Variants in PARPBP observed in about 807,000 individuals in gnomAD.
PARPBP encodes PCNA-interacting partner.
PARPBP carries 52 observed loss-of-function variants against 50.0 expected under a neutral mutation model. The observed-to-expected ratio is 1.04, with a 90% CI of 0.83 to 1.31. PARPBP has a LOEUF of 1.31. Ranked by LOEUF, PARPBP falls within the 50% of genes most tolerant of loss-of-function variation. The pLI is 0.00. For missense variants in PARPBP, 697 were observed against 672.0 expected (o/e 1.04, Z -0.41); for synonymous variants, 244 against 232.1 (o/e 1.05, Z -0.47).
intron 2 of PARPBP, among the ~76,000 whole-genome samples, chr12:102,138,304 T>C (rs1258481689): frequency 6.6e-6 from 1 of 152,240 alleles, no homozygotes; most frequent in Non-Finnish European, 1.5e-5. Flanking sequence ...AAATATCTTC[T>C]TTTGAGAAGT....
At chr12:102,186,489 T>C (rs928982899) in intron 9 of PARPBP, among the ~76,000 whole-genome samples, 2 of 152,150 alleles carry the variant, frequency 1.3e-5, no homozygotes, top group African/African-American at 4.8e-5. Flanking sequence ...CTGTTTTTGC[T>C]GTATCTCATA....
rs554733915 is a variant in PARPBP, at chr12:102,157,132, ACTTGTATGTCTCTTGTAATACT to A, written c.495+3185_495+3206del. On this transcript the variant is annotated intron_variant, in intron 4 of 10. Transcript: ENST00000327680. The stretch of plus-strand genomic sequence containing the variant: ...ATATATTTTATCAGTGCCCTCAAAT[ACTTGTATGTCTCTTGTAATACT>A]CTTGTATGTCTCTTGTAATACTCTT... Among the ~76,000 whole-genome samples, 708 of 152,226 alleles carry A rather than the reference ACTTGTATGTCTCTTGTAATACT, an allele frequency of 4.7e-3. 1 individual carries two copies. Among genetic ancestry groups the A allele is most frequent in the African/African-American group, 0.015 (606 of 41,514 alleles).
chr12:102,188,322 A>G (rs542786735), intron 9 of PARPBP, among the ~76,000 whole-genome samples: 2 of 152,026 alleles, frequency 1.3e-5, no homozygotes, highest in African/African-American at 2.4e-5. Flanking sequence ...GGGAGATCAC[A>G]GAACATAGTG....
At chr12:102,181,923 G>A (rs1889857910) in intron 8 of PARPBP, among the ~76,000 whole-genome samples, 1 of 151,994 alleles carries the variant, frequency 6.6e-6, no homozygotes, top group Non-Finnish European at 1.5e-5. Context: ...AAGACTGAAG[G>A]GCAAAAAGTG....
intron 6 of PARPBP, among the ~76,000 whole-genome samples, chr12:102,172,934 A>G (rs139258983): frequency 1.3e-4 from 20 of 152,356 alleles, no homozygotes; most frequent in African/African-American, 4.1e-4. Context: ...AAGTCCACAT[A>G]TATGTGAAAG....
At chr12:102,184,938 A>G (rs562337436) in intron 9 of PARPBP, among the ~76,000 whole-genome samples, 30 of 144,382 alleles carry the variant, frequency 2.1e-4, no homozygotes, top group African/African-American at 7.4e-4. Flanking sequence ...GAAATAATAT[A>G]TGATCTACAC....
At chr12:102,131,801 A>G (rs1882892605) in intron 2 of PARPBP, among the ~76,000 whole-genome samples, 2 of 152,236 alleles carry the variant, frequency 1.3e-5, no homozygotes, top group South Asian at 2.1e-4. Context: ...AAATGGACAC[A>G]TAGAGGGAAA....
chr12:102,153,036 C>T (rs892483263), intron 3 of PARPBP, among the ~76,000 whole-genome samples: 10 of 151,580 alleles, frequency 6.6e-5, no homozygotes, highest in South Asian at 6.3e-4. Flanking sequence ...TGTTATAAGA[C>T]GTATTTTCCT....
At chr12:102,151,518 G>A in intron 3 of PARPBP, 4 of 1,306,098 alleles carry the variant, frequency 3.1e-6, no homozygotes, top group South Asian at 1.3e-5. Flanking sequence ...GGTCCTTTGG[G>A]TGGGTCCCTG....
At position 102,153,906 on chromosome 12, in the gene PARPBP, C is replaced by A. The variant is rs886885198; in HGVS notation, c.425C>A (p.Ala142Glu). ...LLDFLSGKQY[A>E]VGDETDLSIP... Reference sequence around the variant, plus strand: ...GATTTTCTGTCTGGCAAACAGTATGCAGTAGGTGATGAAACTGATCTTTCT... The same window carrying A: ...GATTTTCTGTCTGGCAAACAGTATGAAGTAGGTGATGAAACTGATCTTTCT... Residue 142 changes from alanine (A) to glutamate (E), a missense_variant, in exon 4 of 11, where the codon GCA (alanine) becomes GAA (glutamate). Transcript: ENST00000327680. The A allele has an allele frequency of 6.2e-7, 1 of 1,610,180 alleles. No homozygotes were observed.
At chr12:102,137,199 C>T (rs578178828) in intron 2 of PARPBP, among the ~76,000 whole-genome samples, 144 of 152,206 alleles carry the variant, frequency 9.5e-4, no homozygotes, top group African/African-American at 3.1e-3. Context: ...GTGATCCACC[C>T]GCCTCGGCCT....
At chr12:102,175,715 CTT>C in intron 7 of PARPBP, 49 bp downstream of exon 7, 1 of 1,173,752 alleles carries the variant, frequency 8.5e-7, no homozygotes, top group South Asian at 1.8e-5. Flanking sequence ...ATCATTATCT[CTT>C]CTATTTATTG....
chr12:102,154,011 A>G, intron 4 of PARPBP, 35 bp downstream of exon 4: 1 of 1,203,830 alleles, frequency 8.3e-7, no homozygotes, highest in Non-Finnish European at 1.2e-6. Context: ...AAAGCAGACT[A>G]TAATCCCTTT....
chr12:102,169,171 A>G (rs148097384), intron 6 of PARPBP, among the ~76,000 whole-genome samples: 1 of 152,206 alleles, frequency 6.6e-6, no homozygotes, highest in Admixed American at 6.5e-5. Flanking sequence ...GTGATCTTCT[A>G]ATTATCATAG....
chr12:102,120,518 T>C (rs1337475846), intron 1 of PARPBP: 1 of 456,436 alleles, frequency 2.2e-6, no homozygotes, highest in East Asian at 7.0e-5. Context: ...CGTCTGCAGC[T>C]TGGAAGACAG....
At chr12:102,155,735 C>T (rs1886813374) in intron 4 of PARPBP, among the ~76,000 whole-genome samples, 1 of 152,138 alleles carries the variant, frequency 6.6e-6, no homozygotes, top group Admixed American at 6.5e-5. Flanking sequence ...CTCTTCTGGT[C>T]CGTGTTTGTT....
chr12:102,145,183 A>G (rs1303401438), intron 2 of PARPBP, among the ~76,000 whole-genome samples: 1 of 152,112 alleles, frequency 6.6e-6, no homozygotes, highest in Non-Finnish European at 1.5e-5. Flanking sequence ...AATATTTAGG[A>G]GTACTTGATT....
At position 102,126,420 on chromosome 12, in the gene PARPBP, G is replaced by T. The variant is rs185639523; in HGVS notation, c.153+2379G>T. Among the ~76,000 whole-genome samples, 3 of 152,242 alleles carry T rather than the reference G, an allele frequency of 2.0e-5. No homozygotes were observed. The East Asian group carries it at 5.8e-4, about 29-fold the overall frequency. ...TTTCTATTTTCTACTGTAGTTTTAGGTGTTCTGTACCAGGAAGTTTTTCTG... is the reference window on the plus strand; with the variant it reads ...TTTCTATTTTCTACTGTAGTTTTAGTTGTTCTGTACCAGGAAGTTTTTCTG... On this transcript the variant is annotated intron_variant, in intron 2 of 10. Coordinates refer to ENST00000327680, the MANE Select transcript of PARPBP (RefSeq NM_017915.5).
intron 9 of PARPBP, among the ~76,000 whole-genome samples, chr12:102,183,379 C>T (rs1594617470): frequency 6.6e-6 from 1 of 152,014 alleles, no homozygotes. Context: ...AATTTGTATG[C>T]CCTTTATTTT....
Sources: allele counts gnomAD v4.1 joint callset (sites outside exome capture counted in the v4.1 genomes callset), GRCh38; gene constraint gnomAD v4.1.1; transcripts MANE v1.5; gene names NCBI Gene and HGNC (gene_info 2026-07-23, HGNC 2026-07-21).